CDKAL1: variants seen among roughly 807,000 people sequenced by gnomAD.
The protein encoded by CDKAL1 is CDKAL1 threonylcarbamoyladenosine tRNA methylthiotransferase, also known as threonylcarbamoyladenosine tRNA methylthiotransferase.
A neutral mutation model predicts 68.2 loss-of-function variants in CDKAL1; 32 were observed. That is an observed-to-expected ratio of 0.47 (90% CI 0.35 to 0.63). The LOEUF (loss-of-function observed/expected upper bound fraction) is 0.63. Ranked by LOEUF, CDKAL1 falls within the 30% of genes least tolerant of loss-of-function variation. CDKAL1 has a pLI of 0.00. For missense variants in CDKAL1, 606 were observed against 696.7 expected, an observed-to-expected ratio of 0.87 and a Z score of 1.47; for synonymous variants, 234 against 244.3, an observed-to-expected ratio of 0.96 and a Z score of 0.39.
intron 4 of CDKAL1, among the ~76,000 whole-genome samples, chr6:20,573,123 C>T (rs923637619): frequency 3.3e-5 from 5 of 152,078 alleles, no homozygotes; most frequent in African/African-American, 9.7e-5. Context: ...GACCATGTTG[C>T]GCAACTCATT....
At chr6:20,897,458 T>C (rs1437910218) in intron 9 of CDKAL1, among the ~76,000 whole-genome samples, 4 of 152,082 alleles carry the variant, frequency 2.6e-5, no homozygotes, top group Non-Finnish European at 5.9e-5. Flanking sequence ...TGAGGCCACA[T>C]GTCCTGGCCT....
intron 5 of CDKAL1, among the ~76,000 whole-genome samples, chr6:20,655,978 T>G (rs1374446008): frequency 6.6e-6 from 1 of 152,198 alleles, no homozygotes; most frequent in Non-Finnish European, 1.5e-5. Context: ...TCTAAGTGCT[T>G]TAGATGAATT....
intron 4 of CDKAL1, among the ~76,000 whole-genome samples, chr6:20,623,057 G>A (rs1021656228): frequency 2.0e-5 from 3 of 151,926 alleles, no homozygotes; most frequent in African/African-American, 4.8e-5. Flanking sequence ...ATTTTTTGGG[G>A]AAGAAAAATG....
intron 9 of CDKAL1, among the ~76,000 whole-genome samples, chr6:20,873,228 G>A (rs1229399320): frequency 6.6e-6 from 1 of 152,116 alleles, no homozygotes; most frequent in Non-Finnish European, 1.5e-5. Context: ...ACTTAAGAGA[G>A]CATTTCAATA....
At chr6:21,081,643 C>T (rs1288334323) in intron 12 of CDKAL1, among the ~76,000 whole-genome samples, 1 of 149,280 alleles carries the variant, frequency 6.7e-6, no homozygotes, top group Admixed American at 6.7e-5. Context: ...GCGATCTCAT[C>T]TCACTGCAAC....
At chr6:21,117,390 C>T (rs1264602231) in intron 13 of CDKAL1, among the ~76,000 whole-genome samples, 1 of 151,422 alleles carries the variant, frequency 6.6e-6, no homozygotes, top group Non-Finnish European at 1.5e-5. Flanking sequence ...GTAATCCCAG[C>T]ATTTTGAGAG....
intron 4 of CDKAL1, among the ~76,000 whole-genome samples, chr6:20,572,877 A>G (rs1764760985): frequency 1.3e-5 from 2 of 152,188 alleles, no homozygotes; most frequent in Non-Finnish European, 1.5e-5. Flanking sequence ...GTAGTTTAAA[A>G]AAAGAAAAAA....
chr6:21,046,680 A>G (rs1770249568), intron 11 of CDKAL1, among the ~76,000 whole-genome samples: 1 of 152,264 alleles, frequency 6.6e-6, no homozygotes, highest in Non-Finnish European at 1.5e-5. Flanking sequence ...GCCTTCACAT[A>G]AAAGCTACAA....
chr6:20,602,325 C>T (rs1405642501), intron 4 of CDKAL1, among the ~76,000 whole-genome samples: 1 of 152,104 alleles, frequency 6.6e-6, no homozygotes, highest in Non-Finnish European at 1.5e-5. Flanking sequence ...TGTCCAGTGA[C>T]TACTGGAATT....
chr6:21,056,715 G>A (rs1582110371), intron 11 of CDKAL1, among the ~76,000 whole-genome samples: 2 of 152,126 alleles, frequency 1.3e-5, no homozygotes, highest in African/African-American at 2.4e-5. Flanking sequence ...CTAGTTAATT[G>A]AGAGCTTTTA....
chr6:21,041,795 G>A (rs1164309513), intron 11 of CDKAL1, among the ~76,000 whole-genome samples: 1 of 152,052 alleles, frequency 6.6e-6, no homozygotes, highest in Non-Finnish European at 1.5e-5. Context: ...GTAGCATACA[G>A]TCTGGTAAAA....
intron 13 of CDKAL1, among the ~76,000 whole-genome samples, chr6:21,151,967 T>C (rs78765255): frequency 0.017 from 2,630 of 152,364 alleles, 70 homozygotes; most frequent in African/African-American, 0.06. Flanking sequence ...GCTCTGATTC[T>C]ACTTGCTCCA....
chr6:20,785,805 G>T (rs774403743), intron 8 of CDKAL1, among the ~76,000 whole-genome samples: 1 of 151,652 alleles, frequency 6.6e-6, no homozygotes, highest in Non-Finnish European at 1.5e-5. Flanking sequence ...TTCATTTTTC[G>T]TTTAGGAAAA....
intron 4 of CDKAL1, among the ~76,000 whole-genome samples, chr6:20,620,288 A>G (rs1767120705): frequency 6.6e-6 from 1 of 152,200 alleles, no homozygotes; most frequent in Admixed American, 6.5e-5. Context: ...AAGACTTTCT[A>G]TTTTTATAAA....
intron 9 of CDKAL1, among the ~76,000 whole-genome samples, chr6:20,864,284 TTG>T (rs1309327994): frequency 7.8e-6 from 1 of 127,752 alleles, no homozygotes; most frequent in Non-Finnish European, 1.7e-5. Flanking sequence ...TTGCATTTTA[TTG>T]TGTTTCTAGA....
chr6:20,801,114 G>C (rs1300894588), intron 8 of CDKAL1, among the ~76,000 whole-genome samples: 1 of 151,946 alleles, frequency 6.6e-6, no homozygotes, highest in Admixed American at 6.6e-5. Flanking sequence ...TGTCAAGACA[G>C]GGCCTTATTA....
At chr6:21,017,142 AC>A (rs1356477825) in intron 11 of CDKAL1, among the ~76,000 whole-genome samples, 2 of 152,198 alleles carry the variant, frequency 1.3e-5, no homozygotes, top group African/African-American at 4.8e-5. Flanking sequence ...TATGGCACAT[AC>A]CACATTGCTC....
At chr6:20,995,799 A>G (rs781734797) in intron 10 of CDKAL1, among the ~76,000 whole-genome samples, 1 of 152,172 alleles carries the variant, frequency 6.6e-6, no homozygotes, top group Admixed American at 6.5e-5. Context: ...GTCAGTCTTT[A>G]TGTCCTCTGA....
At chr6:20,600,547 A>G (rs1041781062) in intron 4 of CDKAL1, among the ~76,000 whole-genome samples, 2 of 151,924 alleles carry the variant, frequency 1.3e-5, no homozygotes, top group Non-Finnish European at 2.9e-5. Context: ...GATAAATACC[A>G]CTTTTGAGGT....
Sources: allele counts gnomAD v4.1 joint callset (sites outside exome capture counted in the v4.1 genomes callset), GRCh38; gene constraint gnomAD v4.1.1; transcripts MANE v1.5; gene names NCBI Gene and HGNC (gene_info 2026-07-23, HGNC 2026-07-21).